The following ABLIM1 variants were observed in gnomAD, a reference collection of about 807,000 sequenced individuals.
ABLIM1 encodes the protein actin-binding LIM protein 1.
ABLIM1 carries 40 observed loss-of-function variants against 107.0 expected under a neutral mutation model. That is an observed-to-expected ratio of 0.37 (90% confidence interval 0.29 to 0.49). The LOEUF (loss-of-function observed/expected upper bound fraction) is 0.49. ABLIM1 is among the 20% of genes least tolerant of loss of function. ABLIM1 has a pLI of 0.97. For synonymous variants in ABLIM1, 357 were observed against 357.3 expected (o/e 1.00, Z 0.01); for missense variants, 857 against 1,008.5 (o/e 0.85, Z 2.04).
At chr10:114,658,531 C>T (rs962635756), upstream of ABLIM1, among the ~76,000 whole-genome samples, 2 of 152,158 alleles carry the variant, frequency 1.3e-5, no homozygotes, top group East Asian at 1.9e-4. Context: ...GCAAATACTC[C>T]TAGAATATTC....
At chr10:114,490,733 T>TCA (rs1047155436) in intron 7 of ABLIM1, among the ~76,000 whole-genome samples, 6 of 150,716 alleles carry the variant, frequency 4.0e-5, no homozygotes, top group Non-Finnish European at 8.8e-5. Context: ...TAAAAACTGA[T>TCA]CATATATATA....
intron 1 of ABLIM1, among the ~76,000 whole-genome samples, chr10:114,652,241 T>C (rs1434208790): frequency 1.3e-5 from 2 of 152,154 alleles, no homozygotes; most frequent in East Asian, 1.9e-4. Context: ...ACAAAGCCAT[T>C]TGTGGCCTAT....
At chr10:114,451,953 G>A (rs2061980955) in intron 13 of ABLIM1, among the ~76,000 whole-genome samples, 1 of 152,134 alleles carries the variant, frequency 6.6e-6, no homozygotes, top group Non-Finnish European at 1.5e-5. Context: ...CATTGAAAGT[G>A]GGATTAAAAC....
chr10:114,649,157 G>C (rs894355200), intron 1 of ABLIM1, among the ~76,000 whole-genome samples: 1 of 152,026 alleles, frequency 6.6e-6, no homozygotes, highest in Non-Finnish European at 1.5e-5. Flanking sequence ...CAGTGCTTTG[G>C]GAGGCCGAGG....
intron 1 of ABLIM1, chr10:114,764,669 T>C (rs1000972001): frequency 1.3e-5 from 2 of 152,296 alleles, no homozygotes; most frequent in East Asian, 1.9e-4. Context: ...TCTTTTCCTT[T>C]TTTTAAACCA....
intron 1 of ABLIM1, among the ~76,000 whole-genome samples, chr10:114,740,450 C>G (rs144471970): frequency 6.6e-6 from 1 of 151,780 alleles, no homozygotes; most frequent in Non-Finnish European, 1.5e-5. Context: ...TCCACCACTT[C>G]CCTCGGAAAT....
intron 16 of ABLIM1, among the ~76,000 whole-genome samples, chr10:114,444,859 C>G (rs2060781205): frequency 6.6e-6 from 1 of 152,194 alleles, no homozygotes; most frequent in Non-Finnish European, 1.5e-5. Context: ...CCTTTCATTC[C>G]TTTTCTCCTG....
Position 114,704,302 on chromosome 10 carries a change from CTATATATATATATA to C in ABLIM1, c.-213+63745_-213+63758del, listed in dbSNP as rs369952218. On this transcript the variant is annotated intron_variant, in intron 1 of 15. Coordinates refer to the ABLIM1 transcript ENST00000651092. ...TCTCTCTCTCTCTCTCTCTCTCTCT[CTATATATATATATA>C]TATATATATATATATATATTGCGCG... Among the ~76,000 whole-genome samples, 302 of 43,086 alleles carry C rather than the reference CTATATATATATATA, an allele frequency of 7.0e-3. 8 individuals are homozygous for C. Among genetic ancestry groups the C allele is most frequent in the African/African-American group, 0.011 (132 of 11,980 alleles). The allele number at this position is 43,086 out of a possible 152,430, so 28.3% of individuals were successfully genotyped here.
At chr10:114,547,923 C>T (rs1481305920) in intron 4 of ABLIM1, 147 bp from the exon 5 acceptor site, 1 of 1,158,538 alleles carries the variant, frequency 8.6e-7, no homozygotes, top group Admixed American at 2.9e-5. Context: ...TTTCCCTGCA[C>T]AAAATCTTTC....
At position 114,491,761 on chromosome 10, in the gene ABLIM1, A is replaced by T. The variant is rs745637277; in HGVS notation, c.982+30T>A. The T allele has an allele frequency of 1.9e-6, 3 of 1,564,998 alleles. No homozygotes were observed. The South Asian group carries it at 3.4e-5, about 18-fold the overall frequency. Reference sequence around the variant, plus strand: ...AAGATTTCCTTTCCCCCAGCAAGGAAAACTTCTAGTGTTCTTGAGTCCACC... The same window carrying T: ...AAGATTTCCTTTCCCCCAGCAAGGATAACTTCTAGTGTTCTTGAGTCCACC... On this transcript the variant is annotated intron_variant, in intron 7 of 22. Transcript: ENST00000533213.
chr10:114,580,205 T>TTATATATTATATATATATA lies in ABLIM1; in HGVS notation c.380-4607_380-4606insTATATATATATAATATATA, dbSNP rs560754012. 5.9e-4 allele frequency among the ~76,000 whole-genome samples: 85 copies of TTATATATTATATATATATA among 144,876 alleles called. 1 individual carries two copies. In the East Asian group the frequency reaches 0.014, roughly 24 times the overall value. On this transcript the variant is annotated intron_variant, in intron 2 of 22. Transcript: ENST00000533213. ...TTATTTTAATATTATATATTATATA[T>TTATATATTATATATATATA]TATATATATATATATTTTTTAGACA...
At chr10:114,744,510 G>A (rs1448951176) in intron 1 of ABLIM1, among the ~76,000 whole-genome samples, 1 of 152,190 alleles carries the variant, frequency 6.6e-6, no homozygotes, top group African/African-American at 2.4e-5. Flanking sequence ...GCTGAGCATG[G>A]TGGCATGCGC....
intron 1 of ABLIM1, among the ~76,000 whole-genome samples, chr10:114,735,350 T>C (rs2082156554): frequency 6.6e-6 from 1 of 152,224 alleles, no homozygotes; most frequent in African/African-American, 2.4e-5. Context: ...CCTTTATTTC[T>C]TTGAACACAG....
intron 1 of ABLIM1, among the ~76,000 whole-genome samples, chr10:114,704,292 CTCTCTCTCTCTATATA>C (rs1372929430): frequency 8.5e-4 from 24 of 28,230 alleles, no homozygotes; most frequent in African/African-American, 2.7e-3. Flanking sequence ...CTCTCTCTCT[CTCTCTCTCTCTATATA>C]TATATATATA....
chr10:114,446,335 A>C (rs547546364), intron 15 of ABLIM1, among the ~76,000 whole-genome samples: 24 of 152,344 alleles, frequency 1.6e-4, no homozygotes, highest in African/African-American at 5.0e-4. Flanking sequence ...TTATACTAAT[A>C]GGTAAATCAA....
At position 114,631,957 on chromosome 10, in the gene ABLIM1, C is replaced by G. The variant is rs1030865365; in HGVS notation, c.244+26000G>C. ...CCGACGAGCAGGACTGAAGAAGGAA[C>G]GAGGAATAAACTCTGGGAGTGGAAG... On this transcript the variant is annotated intron_variant, in intron 1 of 22. Transcript: ENST00000533213. 1.2e-5 allele frequency: 15 copies of G among 1,303,946 alleles called. No individual in the cohort carries two copies. The Admixed American group carries it at 3.5e-4, about 30-fold the overall frequency. 80.8% of individuals were successfully genotyped at this position (1,303,946 alleles called of 1,614,324 possible).
At chr10:114,592,933 G>C (rs1198734369) in intron 2 of ABLIM1, among the ~76,000 whole-genome samples, 5 of 152,046 alleles carry the variant, frequency 3.3e-5, no homozygotes, top group Admixed American at 2.0e-4. Context: ...TGCTGAGAAG[G>C]CTGTTGAAGA....
the ABLIM1 span, among the ~76,000 whole-genome samples, chr10:114,776,572 C>T: frequency 6.6e-6 from 1 of 152,112 alleles, no homozygotes; most frequent in Non-Finnish European, 1.5e-5. Context: ...TAGACTGTGC[C>T]ACTGCACTCC....
chr10:114,641,709 C>G (rs1331000420), intron 1 of ABLIM1, among the ~76,000 whole-genome samples: 2 of 150,970 alleles, frequency 1.3e-5, no homozygotes, highest in African/African-American at 2.4e-5. Context: ...CCACCCCAGA[C>G]AGAGTAAGCA....
Sources: gnomAD v4.1 joint callset for allele counts (sites outside exome capture counted in the v4.1 genomes callset) on GRCh38, gnomAD v4.1.1 for gene constraint, MANE v1.5 for transcripts, NCBI Gene and HGNC (gene_info 2026-07-23, HGNC 2026-07-21) for gene names.